Variants in SEMA5A observed in about 807,000 individuals in gnomAD.
SEMA5A encodes semaphorin 5A.
Under a neutral mutation model 135.5 loss-of-function variants are expected in SEMA5A, and 55 were observed. The ratio of observed to expected loss-of-function variants is 0.41; its 90% CI spans 0.33 to 0.51. SEMA5A has a LOEUF of 0.51. Among genes scored for constraint, SEMA5A ranks in the 20% least tolerant of loss-of-function variants. The pLI is 0.37. For synonymous variants in SEMA5A, 580 were observed against 546.5 expected, an observed-to-expected ratio of 1.06 and a Z score of -0.85; for missense variants, 1,290 against 1,419.9, an observed-to-expected ratio of 0.91 and a Z score of 1.47.
At chr5:9,263,219 G>A (rs558693700) in intron 5 of SEMA5A, among the ~76,000 whole-genome samples, 23 of 152,032 alleles carry the variant, frequency 1.5e-4, no homozygotes, top group East Asian at 7.8e-4. Flanking sequence ...TTTTTACTCC[G>A]TCCTCCAGGT....
chr5:9,093,453 A>C (rs539773154), intron 16 of SEMA5A, among the ~76,000 whole-genome samples: 1 of 152,312 alleles, frequency 6.6e-6, no homozygotes, highest in Non-Finnish European at 1.5e-5. Flanking sequence ...TCATGCCTAT[A>C]ATCCCAGCAC....
chr5:9,196,292 G>A (rs986390998), intron 10 of SEMA5A, among the ~76,000 whole-genome samples: 4 of 152,150 alleles, frequency 2.6e-5, no homozygotes, highest in Non-Finnish European at 5.9e-5. Context: ...GGTCATAAGG[G>A]TGGGGCCCTG....
intron 13 of SEMA5A, among the ~76,000 whole-genome samples, chr5:9,123,446 G>T (rs1374471544): frequency 2.6e-5 from 4 of 151,278 alleles, no homozygotes; most frequent in African/African-American, 9.7e-5. Flanking sequence ...GGGGGAGGAG[G>T]AGGAAAGGAA....
intron 16 of SEMA5A, among the ~76,000 whole-genome samples, chr5:9,077,745 T>C (rs1011438635): frequency 2.0e-5 from 3 of 152,220 alleles, no homozygotes; most frequent in African/African-American, 7.2e-5. Context: ...GGGGAGTAAC[T>C]GAGCCAAAAT....
chr5:9,465,976 G>A (rs1275851326), intron 1 of SEMA5A, among the ~76,000 whole-genome samples: 1 of 152,214 alleles, frequency 6.6e-6, no homozygotes, highest in Non-Finnish European at 1.5e-5. Flanking sequence ...GCTAACCACA[G>A]AGGACCCAGT....
At chr5:9,522,122 A>T (rs1369729713) in intron 1 of SEMA5A, among the ~76,000 whole-genome samples, 1 of 152,118 alleles carries the variant, frequency 6.6e-6, no homozygotes, top group African/African-American at 2.4e-5. Context: ...CCACAGCCTG[A>T]CACCATGGTG....
intron 3 of SEMA5A, among the ~76,000 whole-genome samples, chr5:9,347,306 T>C (rs1753920133): frequency 6.6e-6 from 1 of 152,210 alleles, no homozygotes; most frequent in Non-Finnish European, 1.5e-5. Flanking sequence ...TAACACATAG[T>C]ATACCTAACC....
intron 2 of SEMA5A, among the ~76,000 whole-genome samples, chr5:9,394,583 A>G (rs1030192575): frequency 2.6e-5 from 4 of 152,180 alleles, no homozygotes; most frequent in African/African-American, 9.6e-5. Flanking sequence ...CCGAGCAATA[A>G]CAAGTCATGG....
intron 1 of SEMA5A, among the ~76,000 whole-genome samples, chr5:9,462,905 A>G (rs6896424): frequency 0.29 from 43,770 of 151,454 alleles, 6,698 homozygotes; most frequent in East Asian, 0.54. Flanking sequence ...CAATGAAATA[A>G]TCTGTACAAT....
intron 1 of SEMA5A, among the ~76,000 whole-genome samples, chr5:9,509,312 T>C (rs1354842575): frequency 6.6e-6 from 1 of 152,044 alleles, no homozygotes; most frequent in Non-Finnish European, 1.5e-5. Context: ...TTTGCTCTTG[T>C]TGCCCAGGCT....
At chr5:9,051,522 C>G (rs947981610) in intron 20 of SEMA5A, among the ~76,000 whole-genome samples, 2 of 152,216 alleles carry the variant, frequency 1.3e-5, no homozygotes, top group Admixed American at 6.5e-5. Context: ...AGTGCATACA[C>G]AGCGAGCACT....
chr5:9,053,646 C>A (rs1256946766), intron 19 of SEMA5A, among the ~76,000 whole-genome samples: 2 of 152,122 alleles, frequency 1.3e-5, no homozygotes, highest in East Asian at 3.9e-4. Context: ...CCACTCAGAC[C>A]TCCAGACTCC....
chr5:9,406,212 A>G (rs1295080716), intron 2 of SEMA5A, among the ~76,000 whole-genome samples: 3 of 152,250 alleles, frequency 2.0e-5, no homozygotes, highest in African/African-American at 7.2e-5. Flanking sequence ...CCCAGTGGCA[A>G]TGACTTACTT....
intron 9 of SEMA5A, among the ~76,000 whole-genome samples, chr5:9,201,109 T>C (rs1373609464): frequency 2.0e-5 from 3 of 152,182 alleles, no homozygotes; most frequent in Admixed American, 2.0e-4. Context: ...TCAAAGGTGA[T>C]CCAAATCAGA....
At chr5:9,324,799 G>A (rs140020155) in intron 4 of SEMA5A, among the ~76,000 whole-genome samples, 6 of 152,316 alleles carry the variant, frequency 3.9e-5, no homozygotes, top group Non-Finnish European at 8.8e-5. Flanking sequence ...TGAGCACAGA[G>A]GAGGGAAAAC....
intron 16 of SEMA5A, among the ~76,000 whole-genome samples, chr5:9,071,194 C>A (rs1250428379): frequency 1.3e-5 from 2 of 152,132 alleles, no homozygotes; most frequent in African/African-American, 4.8e-5. Context: ...GTGATAAAAG[C>A]ACTCATTTAA....
chr5:9,334,512 C>T (rs565708428), intron 4 of SEMA5A, among the ~76,000 whole-genome samples: 1 of 152,350 alleles, frequency 6.6e-6, no homozygotes, highest in African/African-American at 2.4e-5. Context: ...CTCAGAGCTT[C>T]CCTAGGGCTG....
At chr5:9,336,839 C>T (rs924830734) in intron 4 of SEMA5A, among the ~76,000 whole-genome samples, 3 of 152,146 alleles carry the variant, frequency 2.0e-5, no homozygotes, top group Non-Finnish European at 4.4e-5. Context: ...GGCAGGCATG[C>T]TTTATACTCT....
At chr5:9,423,505 C>T (rs1218175589) in intron 2 of SEMA5A, among the ~76,000 whole-genome samples, 1 of 152,230 alleles carries the variant, frequency 6.6e-6, no homozygotes. Flanking sequence ...TTCTACTTTA[C>T]AGCAGAATAC....
Sources: allele counts gnomAD v4.1 joint callset (sites outside exome capture counted in the v4.1 genomes callset), GRCh38; gene constraint gnomAD v4.1.1; transcripts MANE v1.5; gene names NCBI Gene and HGNC (gene_info 2026-07-23, HGNC 2026-07-21).